CCDC12: variants seen among roughly 807,000 people sequenced by gnomAD.
CCDC12 encodes coiled-coil domain-containing protein 12.
Under a neutral mutation model 25.7 loss-of-function variants are expected in CCDC12, and 28 were observed. The ratio of observed to expected loss-of-function variants is 1.09; its 90% confidence interval spans 0.81 to 1.50. CCDC12 has a LOEUF of 1.50. Among genes scored for constraint, CCDC12 ranks in the 40% most tolerant of loss-of-function variants. The pLI, the probability that CCDC12 is intolerant of heterozygous loss-of-function variation, is 0.00. For synonymous variants in CCDC12, 75 were observed against 87.7 expected (o/e 0.86, Z 0.81); for missense variants, 198 against 210.0 (o/e 0.94, Z 0.35).
chr3:46,950,531 T>C (rs1368494114), intron 1 of CCDC12, among the ~76,000 whole-genome samples: 1 of 150,262 alleles, frequency 6.7e-6, no homozygotes, highest in Non-Finnish European at 1.5e-5. Flanking sequence ...ATTGCCAAGG[T>C]TGGTTTCGAG....
At chr3:46,943,056 G>A (rs1213518649) in intron 1 of CCDC12, among the ~76,000 whole-genome samples, 1 of 152,210 alleles carries the variant, frequency 6.6e-6, no homozygotes, top group African/African-American at 2.4e-5. Flanking sequence ...AAGCAATGGA[G>A]AAACCGAGGA....
intron 1 of CCDC12, among the ~76,000 whole-genome samples, chr3:46,951,798 A>AAAAAATAT: frequency 1.2e-4 from 1 of 8,468 alleles, no homozygotes; most frequent in African/African-American, 2.5e-4. Context: ...AAAAAAAAAA[A>AAAAAATAT]ATATATATAT....
intron 1 of CCDC12, among the ~76,000 whole-genome samples, chr3:46,951,798 A>AAAAAAAACAATATAT: frequency 4.7e-4 from 4 of 8,468 alleles, no homozygotes; most frequent in African/African-American, 9.8e-4. Flanking sequence ...AAAAAAAAAA[A>AAAAAAAACAATATAT]ATATATATAT....
rs1488164564 is a variant in CCDC12 at position 46,921,935 on chromosome 3, T to C, written c.*122A>G. 2.0e-6 allele frequency: 2 copies of C among 1,019,076 alleles called. No individual in the cohort carries two copies. Among genetic ancestry groups the C allele is most frequent in the African/African-American group, 3.2e-5 (2 of 62,620 alleles). The allele number at this position is 1,019,076 out of a possible 1,614,324, so 63.1% of individuals were successfully genotyped here. On this transcript the variant is annotated 3_prime_UTR_variant, in exon 7 of 7. Transcript: ENST00000683445. ...TCATCCATGGGGGTTTCAGACTTGA[T>C]GGGCAGGGAGTCTCTGCTCAGAAGC... is the stretch of plus-strand genomic sequence containing the variant.
At chr3:46,923,465 G>A (rs756014612) in intron 4 of CCDC12, 102 bp from the exon 5 acceptor site, 34 of 1,509,818 alleles carry the variant, frequency 2.3e-5, no homozygotes, top group Non-Finnish European at 2.7e-5. Context: ...GGAGGAGGAA[G>A]GAGAGGGACG....
At position 46,936,401 on chromosome 3, in the gene CCDC12, C is replaced by T. The variant is rs12485252; in HGVS notation, c.164+4597G>A. On this transcript the variant is annotated intron_variant, in intron 2 of 6. Transcript: ENST00000683445. The stretch of plus-strand genomic sequence containing the variant: ...TGTGTCCAGAGTCCTTTCACTCTCT[C>T]GGGAGGACCTCACGGTGCCTTCCTT... Among the ~76,000 whole-genome samples the T allele has an allele frequency of 4.4e-3, 666 of 152,324 alleles. 14 individuals carry two copies. The highest frequency in any genetic ancestry group is 0.032 in the Admixed American group (486 of 15,310).
At chr3:46,966,705 C>T (rs1036639181) in intron 1 of CCDC12, among the ~76,000 whole-genome samples, 2 of 152,032 alleles carry the variant, frequency 1.3e-5, no homozygotes, top group Admixed American at 6.5e-5. Context: ...ATGGATGTCC[C>T]GGCTGGGGTC....
upstream of CCDC12, among the ~76,000 whole-genome samples, chr3:46,981,144 G>A (rs1047651745): frequency 6.6e-6 from 1 of 152,164 alleles, no homozygotes; most frequent in African/African-American, 2.4e-5. Flanking sequence ...CTTCCTGCCT[G>A]TAAAACTGAC....
chr3:46,956,289 A>T (rs1249817629), intron 1 of CCDC12, among the ~76,000 whole-genome samples: 1 of 152,248 alleles, frequency 6.6e-6, no homozygotes, highest in African/African-American at 2.4e-5. Context: ...AGAATCTTCC[A>T]CGGTAAGACC....
At chr3:46,972,163 C>CA (rs1454713641) in intron 1 of CCDC12, among the ~76,000 whole-genome samples, 1 of 152,210 alleles carries the variant, frequency 6.6e-6, no homozygotes, top group Non-Finnish European at 1.5e-5. Flanking sequence ...ATTTTAAACT[C>CA]TTTGCGCAGC....
chr3:46,979,956 C>T, upstream of CCDC12: 1 of 305,642 alleles, frequency 3.3e-6, no homozygotes, highest in Non-Finnish European at 6.0e-6. Flanking sequence ...CCCGCGGTGC[C>T]CCCAGCTTCG....
intron 2 of CCDC12, among the ~76,000 whole-genome samples, chr3:46,928,822 GA>G (rs1231470876): frequency 6.6e-6 from 1 of 152,122 alleles, no homozygotes; most frequent in Admixed American, 6.5e-5. Flanking sequence ...GAATTGCAGG[GA>G]AAAAATAAAA....
At chr3:46,948,413 C>T (rs905650047) in intron 1 of CCDC12, among the ~76,000 whole-genome samples, 2 of 152,174 alleles carry the variant, frequency 1.3e-5, no homozygotes, top group African/African-American at 2.4e-5. Context: ...AGGTCAACAG[C>T]GGTGGACTAG....
At chr3:46,962,820 G>GTCCTA (rs376890705) in intron 1 of CCDC12, among the ~76,000 whole-genome samples, 1 of 152,176 alleles carries the variant, frequency 6.6e-6, no homozygotes, top group Non-Finnish European at 1.5e-5. Flanking sequence ...GACAGTATCT[G>GTCCTA]TCCTATATAC....
At chr3:46,965,246 C>T (rs1050738926) in intron 1 of CCDC12, among the ~76,000 whole-genome samples, 8 of 152,238 alleles carry the variant, frequency 5.3e-5, no homozygotes, top group Admixed American at 3.3e-4. Context: ...CATTCCTTTG[C>T]TTTCCAATTC....
At chr3:46,933,852 G>C (rs1478468721) in intron 2 of CCDC12, among the ~76,000 whole-genome samples, 1 of 152,086 alleles carries the variant, frequency 6.6e-6, no homozygotes, top group Non-Finnish European at 1.5e-5. Flanking sequence ...GATATGCACA[G>C]ATACATGTTG....
intron 1 of CCDC12, among the ~76,000 whole-genome samples, chr3:46,957,641 G>A (rs2034332052): frequency 6.6e-6 from 1 of 152,118 alleles, no homozygotes; most frequent in African/African-American, 2.4e-5. Flanking sequence ...GAGTAGCTAG[G>A]TTAAATATTA....
intron 1 of CCDC12, among the ~76,000 whole-genome samples, chr3:46,956,756 G>A (rs916782654): frequency 1.4e-4 from 2 of 14,808 alleles, no homozygotes; most frequent in Non-Finnish European, 6.5e-3. Flanking sequence ...AGGAGGTTGA[G>A]GCTGCAGTGA....
chr3:46,923,010 T>C, intron 5 of CCDC12: 1 of 280,828 alleles, frequency 3.6e-6, no homozygotes, highest in Non-Finnish European at 6.6e-6. Flanking sequence ...TGCCCTTCCC[T>C]CCACTCCTGG....
Sources: allele counts gnomAD v4.1 joint callset (sites outside exome capture counted in the v4.1 genomes callset), GRCh38; gene constraint gnomAD v4.1.1; transcripts MANE v1.5; gene names NCBI Gene and HGNC (gene_info 2026-07-23, HGNC 2026-07-21).